LARGE1: variants seen among roughly 807,000 people sequenced by gnomAD.
LARGE1 encodes LARGE xylosyl- and glucuronyltransferase 1, also known as xylosyl- and glucuronyltransferase LARGE1.
A neutral mutation model predicts 87.6 loss-of-function variants in LARGE1; 43 were observed. The observed-to-expected ratio is 0.49, with a 90% confidence interval of 0.38 to 0.63. LARGE1 has a LOEUF of 0.63. LARGE1 is among the 30% of genes least tolerant of loss of function. The probability of loss-of-function intolerance (pLI) is 0.00; values close to 1 mark genes in which losing one functional copy is unlikely to be tolerated. For missense variants in LARGE1, 802 were observed against 1,000.2 expected, an observed-to-expected ratio of 0.80 and a Z score of 2.67; for synonymous variants, 434 against 394.6, an observed-to-expected ratio of 1.10 and a Z score of -1.18.
chr22:33,384,138 A>G (rs2065247630), intron 8 of LARGE1, 54 bp downstream of exon 8: 1 of 1,239,642 alleles, frequency 8.1e-7, no homozygotes, highest in East Asian at 2.3e-5. Flanking sequence ...TTTCTTTGAG[A>G]AACAGCACCA....
At chr22:33,498,848 T>G (rs1354356023) in intron 6 of LARGE1, among the ~76,000 whole-genome samples, 1 of 152,058 alleles carries the variant, frequency 6.6e-6, no homozygotes, top group Non-Finnish European at 1.5e-5. Context: ...GCGGGGGACC[T>G]GTAGTCCCAG....
intron 5 of LARGE1, among the ~76,000 whole-genome samples, chr22:33,602,901 C>A (rs1371699983): frequency 6.6e-6 from 1 of 152,172 alleles, no homozygotes; most frequent in Non-Finnish European, 1.5e-5. Context: ...AAATGGTGAA[C>A]ACAGCGGCAG....
chr22:33,564,824 A>G (rs772900726), intron 6 of LARGE1, 24 bp downstream of exon 6: 14 of 1,613,576 alleles, frequency 8.7e-6, no homozygotes, highest in East Asian at 2.2e-5. Flanking sequence ...GATATCGGGG[A>G]AAAAACGAAT....
At chr22:33,482,082 A>G (rs1461253566) in intron 6 of LARGE1, among the ~76,000 whole-genome samples, 1 of 152,210 alleles carries the variant, frequency 6.6e-6, no homozygotes, top group Non-Finnish European at 1.5e-5. Flanking sequence ...AACTGAAAGC[A>G]CTTCTTGAAC....
intron 5 of LARGE1, among the ~76,000 whole-genome samples, chr22:33,569,164 G>A (rs535794980): frequency 6.6e-6 from 1 of 152,284 alleles, no homozygotes; most frequent in African/African-American, 2.4e-5. Flanking sequence ...CCTGAACTGA[G>A]GCTTGGCAAT....
chr22:33,200,454 G>T (rs75090439), intron 11 of LARGE1, among the ~76,000 whole-genome samples: 4,590 of 152,200 alleles, frequency 0.03, 94 homozygotes, highest in Admixed American at 0.057. Flanking sequence ...AAGTTCAGCA[G>T]GGAGTTACTA....
rs58347079 is a variant in LARGE1, at chr22:33,778,440, T to C, written c.-82-16882A>G. Among the ~76,000 whole-genome samples, 47 of 152,320 alleles carry C rather than the reference T, an allele frequency of 3.1e-4. No individual in the cohort carries two copies. In the East Asian group the frequency reaches 8.3e-3, roughly 27 times the overall value. On this transcript the variant is annotated intron_variant, in intron 1 of 14. Coordinates refer to ENST00000397394, the MANE Select transcript of LARGE1 (RefSeq NM_133642.5). ...CACTCCTTTATCTAATTCTAAAACA[T>C]TTCCATCAATCTGAAAGAAAACCAG...
intron 11 of LARGE1, among the ~76,000 whole-genome samples, chr22:33,249,387 G>T (rs1243395803): frequency 1.3e-5 from 2 of 152,154 alleles, no homozygotes; most frequent in African/African-American, 2.4e-5. Context: ...TAAGCTGGTT[G>T]CTTTTTTTCT....
chr22:33,714,484 G>A (rs2082853801), intron 2 of LARGE1, among the ~76,000 whole-genome samples: 2 of 152,142 alleles, frequency 1.3e-5, no homozygotes, highest in Non-Finnish European at 2.9e-5. Flanking sequence ...TGAGATAAAA[G>A]ACAACACATA....
rs573221164 is a variant in LARGE1, at chr22:33,772,796, T to C, written c.-82-11238A>G. Among the ~76,000 whole-genome samples the C allele has an allele frequency of 4.6e-5, 7 of 152,322 alleles. No individual in the cohort carries two copies. The East Asian group carries it at 1.3e-3, about 29-fold the overall frequency. On this transcript the variant is annotated intron_variant, in intron 1 of 14. Coordinates refer to ENST00000397394, the MANE Select transcript of LARGE1 (RefSeq NM_133642.5). ...ACTTGGGCATAAACCATGACTACTT[T>C]ATATTCAAGGTATATCCAGACGCAT...
At chr22:33,846,691 T>C (rs1473419476) in intron 1 of LARGE1, among the ~76,000 whole-genome samples, 2 of 152,142 alleles carry the variant, frequency 1.3e-5, no homozygotes, top group Non-Finnish European at 1.5e-5. Flanking sequence ...CCTGGGGGTA[T>C]AGGTCTATAA....
At chr22:33,244,446 T>C (rs1926663701) in intron 11 of LARGE1, among the ~76,000 whole-genome samples, 1 of 152,166 alleles carries the variant, frequency 6.6e-6, no homozygotes, top group African/African-American at 2.4e-5. Context: ...AGCTGAAACA[T>C]GAATCCAAGC....
chr22:33,134,349 C>A, the LARGE1 span, among the ~76,000 whole-genome samples: 1 of 151,242 alleles, frequency 6.6e-6, no homozygotes, highest in African/African-American at 2.4e-5. Context: ...AGCTCCGCCT[C>A]CCGGGTTCAC....
intron 7 of LARGE1, among the ~76,000 whole-genome samples, chr22:33,420,773 C>T (rs563942903): frequency 3.9e-5 from 6 of 152,314 alleles, no homozygotes; most frequent in South Asian, 2.1e-4. Flanking sequence ...TGAATGAACA[C>T]GTGGATGGTC....
chr22:33,841,625 T>C (rs1439642692), intron 1 of LARGE1, among the ~76,000 whole-genome samples: 2 of 152,204 alleles, frequency 1.3e-5, no homozygotes, highest in African/African-American at 2.4e-5. Context: ...AACTAGGTCA[T>C]GAAACCACCT....
rs572972261 is a variant in LARGE1, at chr22:33,442,688, T to A, written c.788-10423A>T. Among the ~76,000 whole-genome samples the A allele has an allele frequency of 5.9e-5, 9 of 152,288 alleles. No homozygotes were observed. In the East Asian group the frequency reaches 1.7e-3, roughly 29 times the overall value. ...TCCCCATACTTGTTCTTCTTTTACTTGTGCTGTCCATATGTGTATGGACAG... is the reference window on the plus strand; with the variant it reads ...TCCCCATACTTGTTCTTCTTTTACTAGTGCTGTCCATATGTGTATGGACAG... On this transcript the variant is annotated intron_variant, in intron 6 of 14. Transcript: ENST00000397394.
chr22:33,444,275 T>C (rs1442739273), intron 6 of LARGE1, among the ~76,000 whole-genome samples: 1 of 152,264 alleles, frequency 6.6e-6, no homozygotes, highest in Non-Finnish European at 1.5e-5. Context: ...CTGTTTTGAC[T>C]GTAAAATGAA....
intron 11 of LARGE1, among the ~76,000 whole-genome samples, chr22:33,229,360 T>G (rs1925889902): frequency 6.6e-6 from 1 of 152,016 alleles, no homozygotes; most frequent in Non-Finnish European, 1.5e-5. Flanking sequence ...TAGAAAAAAT[T>G]ATTTATATGT....
chr22:33,479,763 G>C (rs1299321006), intron 6 of LARGE1, among the ~76,000 whole-genome samples: 1 of 88,448 alleles, frequency 1.1e-5, no homozygotes, highest in Non-Finnish European at 2.6e-5. Flanking sequence ...TTTTTTTTTT[G>C]AGACAGAGTC....
Sources: gnomAD v4.1 joint callset for allele counts (sites outside exome capture counted in the v4.1 genomes callset) on GRCh38, gnomAD v4.1.1 for gene constraint, MANE v1.5 for transcripts, NCBI Gene and HGNC (gene_info 2026-07-23, HGNC 2026-07-21) for gene names.